Variants in NPLOC4 observed in about 807,000 individuals in gnomAD.
NPLOC4 encodes the protein nuclear protein localization protein 4 homolog.
Under a neutral mutation model 80.6 loss-of-function variants are expected in NPLOC4, and 18 were observed. The observed-to-expected ratio is 0.22, with a 90% CI of 0.15 to 0.33. The LOEUF is 0.33. NPLOC4 is among the 10% of genes least tolerant of loss of function. NPLOC4 has a pLI of 1.00. For synonymous variants in NPLOC4, 313 were observed against 301.5 expected (o/e 1.04, Z -0.39); for missense variants, 540 against 786.1 (o/e 0.69, Z 3.74).
intron 12 of NPLOC4, among the ~76,000 whole-genome samples, chr17:81,578,899 T>A (rs183754043): frequency 8.1e-4 from 123 of 152,344 alleles, no homozygotes; most frequent in African/African-American, 2.8e-3. Flanking sequence ...TAAACATACA[T>A]TTCATTTCAT....
intron 2 of NPLOC4, among the ~76,000 whole-genome samples, chr17:81,626,690 T>C (rs572309303): frequency 1.3e-5 from 2 of 151,890 alleles, no homozygotes; most frequent in Non-Finnish European, 2.9e-5. Context: ...AGAAATTAGC[T>C]AGGAAGCTCA....
chr17:81,597,248 A>T lies in NPLOC4; in HGVS notation c.990T>A (p.Asn330Lys). The change falls in exon 10 of 17, where the codon AAT becomes AAA. Residue 330 changes from asparagine to lysine, a missense_variant. Physicochemically the swap from Asn to Lys is moderately conservative, Grantham distance 94 (BLOSUM62 0). Around this residue, in one of 6 missense-constraint regions of NPLOC4, gnomAD observed 251 missense variants for 377.5 expected, o/e 0.66. Transcript: ENST00000331134. ...CACAGTCCTGTCTCCACCTCACCTT[A>T]TTTCGACTGTAGCGGACGGTACCCT... The part of the protein sequence containing the change: ...TRKGTVRYSR[N>K]KDTYFLSSEE... The T allele has an allele frequency of 6.2e-7, 1 of 1,613,064 alleles. No homozygotes were observed. Among genetic ancestry groups the T allele is most frequent in the Non-Finnish European group, 8.5e-7 (1 of 1,179,092 alleles).
chr17:81,600,507 T>C, intron 8 of NPLOC4, 80 bp from the exon 9 acceptor site: 1 of 1,106,820 alleles, frequency 9.0e-7, no homozygotes, highest in Non-Finnish European at 1.4e-6. Flanking sequence ...CACTTCCAGC[T>C]CTAGGTCACA....
chr17:81,611,556 G>C (rs962228773), intron 4 of NPLOC4, among the ~76,000 whole-genome samples: 1 of 151,486 alleles, frequency 6.6e-6, no homozygotes, highest in African/African-American at 2.4e-5. Flanking sequence ...CACCATATTG[G>C]TCAGGCTGGT....
chr17:81,586,607 C>CAAAAA (rs199678879), intron 12 of NPLOC4, among the ~76,000 whole-genome samples: 1 of 126,000 alleles, frequency 7.9e-6, no homozygotes. Flanking sequence ...AAAACTGTCT[C>CAAAAA]AAAAAAAAAA....
chr17:81,577,501 G>A lies in NPLOC4; in HGVS notation c.1282-5413C>T, dbSNP rs1480012019. On this transcript the variant is annotated intron_variant, in intron 12 of 16. Transcript: ENST00000331134. This position sits in a 1 kb window ranked among gnomAD's most constrained non-coding sequence, Gnocchi z 4.3. ...ACCACAGCTTGGCTCATCTACTTCCGGGTTAGCTCAACGCACTCTTCTCTT... is the reference window on the plus strand; with the variant it reads ...ACCACAGCTTGGCTCATCTACTTCCAGGTTAGCTCAACGCACTCTTCTCTT... Among the ~76,000 whole-genome samples the A allele has an allele frequency of 1.3e-5, 2 of 151,670 alleles. No individual in the cohort carries two copies. The highest frequency in any genetic ancestry group is 2.4e-5 in the African/African-American group (1 of 41,250).
intron 2 of NPLOC4, among the ~76,000 whole-genome samples, chr17:81,623,812 A>C (rs2144307129): frequency 6.6e-6 from 1 of 152,164 alleles, no homozygotes; most frequent in South Asian, 2.1e-4. Flanking sequence ...AAAAAAACAA[A>C]ACTCAATTCC....
At chr17:81,569,239 G>GCT in intron 13 of NPLOC4, 128 bp from the exon 14 acceptor site, 1 of 638,842 alleles carries the variant, frequency 1.6e-6, no homozygotes, top group Non-Finnish European at 2.8e-6. Flanking sequence ...TGTTCTACAA[G>GCT]CTCTCCATCA....
intron 16 of NPLOC4, among the ~76,000 whole-genome samples, chr17:81,559,727 CT>C (rs11335414): frequency 0.29 from 27,282 of 95,266 alleles, 3,301 homozygotes; most frequent in Non-Finnish European, 0.38. Context: ...TTGTTTCCAG[CT>C]TTTTTTTTTT....
intron 5 of NPLOC4, among the ~76,000 whole-genome samples, chr17:81,609,268 T>C (rs867866548): frequency 1.3e-5 from 2 of 152,196 alleles, no homozygotes; most frequent in African/African-American, 2.4e-5. Context: ...TCCACCCGCC[T>C]TGGCCTCCCA....
At chr17:81,618,285 T>C (rs964883735) in intron 3 of NPLOC4, among the ~76,000 whole-genome samples, 2 of 145,968 alleles carry the variant, frequency 1.4e-5, no homozygotes, top group Non-Finnish European at 3.0e-5. Context: ...TCGTCTGAGA[T>C]GTGGGGAGCG....
intron 2 of NPLOC4, among the ~76,000 whole-genome samples, chr17:81,626,453 A>C (rs1042878979): frequency 1.3e-5 from 2 of 152,302 alleles, no homozygotes; most frequent in South Asian, 2.1e-4. Flanking sequence ...GATACAAAGA[A>C]CACCACTGCA....
chr17:81,632,169 T>C (rs2035949116), intron 1 of NPLOC4, among the ~76,000 whole-genome samples: 2 of 149,690 alleles, frequency 1.3e-5, no homozygotes, highest in East Asian at 4.0e-4. Context: ...AGAGACGGGG[T>C]TTCAACATGT....
At chr17:81,589,327 G>A (rs1331410271) in intron 11 of NPLOC4, among the ~76,000 whole-genome samples, 4 of 151,998 alleles carry the variant, frequency 2.6e-5, no homozygotes, top group African/African-American at 2.4e-5. Flanking sequence ...TCAGGAGATC[G>A]AGACCATCCC....
rs1010068999 is a variant in NPLOC4, at chr17:81,577,816, C to T, written c.1282-5728G>A. ...CCTCTCTGCACACCTGCCAGGCCTC[C>T]AAACCTCTCAGTCCCAGCACACCAT... is the stretch of plus-strand genomic sequence containing the variant. On this transcript the variant is annotated intron_variant, in intron 12 of 16. Coordinates refer to ENST00000331134, the MANE Select transcript of NPLOC4 (RefSeq NM_017921.4). The surrounding 1 kb of genome is among the most constrained non-coding windows in gnomAD (Gnocchi z 4.3). Among the ~76,000 whole-genome samples the T allele has an allele frequency of 2.0e-5, 3 of 152,170 alleles. No individual in the cohort carries two copies. The highest frequency in any genetic ancestry group is 7.2e-5 in the African/African-American group (3 of 41,436).
chr17:81,622,346 C>A, intron 2 of NPLOC4, 68 bp from the exon 3 acceptor site: 1 of 1,068,718 alleles, frequency 9.4e-7, no homozygotes, highest in East Asian at 2.4e-5. Context: ...ACCATACACA[C>A]CAGACACTAC....
At chr17:81,582,520 G>A (rs564203451) in intron 12 of NPLOC4, among the ~76,000 whole-genome samples, 1 of 152,286 alleles carries the variant, frequency 6.6e-6, no homozygotes, top group Admixed American at 6.5e-5. Context: ...TTCTGACTCA[G>A]CCTCCTGAGT....
chr17:81,582,847 G>A (rs1489261856), intron 12 of NPLOC4, among the ~76,000 whole-genome samples: 1 of 152,252 alleles, frequency 6.6e-6, no homozygotes, highest in Non-Finnish European at 1.5e-5. Flanking sequence ...GCTGGGCTCT[G>A]GGGCTGCACA....
intron 12 of NPLOC4, among the ~76,000 whole-genome samples, chr17:81,579,935 G>A (rs1448659773): frequency 6.6e-6 from 1 of 151,792 alleles, no homozygotes; most frequent in African/African-American, 2.4e-5. Flanking sequence ...CTCGGCAGCC[G>A]CTTATCTACT....
Sources: allele counts gnomAD v4.1 joint callset (sites outside exome capture counted in the v4.1 genomes callset), GRCh38; gene constraint gnomAD v4.1.1; regional missense constraint gnomAD v4.1.1; non-coding constraint Gnocchi (gnomAD v3.1); transcripts MANE v1.5; gene names NCBI Gene and HGNC (gene_info 2026-07-23, HGNC 2026-07-21).